The following CDH18 variants were observed in gnomAD, a reference collection of about 807,000 sequenced individuals.
The protein encoded by CDH18 is cadherin 18, also known as cadherin-18.
CDH18 carries 31 observed loss-of-function variants against 67.9 expected under a neutral mutation model. That is an observed-to-expected ratio of 0.46 (90% CI 0.34 to 0.62). CDH18 has a LOEUF of 0.62. Ranked by LOEUF, CDH18 falls within the 20% of genes least tolerant of loss-of-function variation. The pLI, the probability that CDH18 is intolerant of heterozygous loss-of-function variation, is 0.01. For synonymous variants in CDH18, 362 were observed against 347.2 expected (o/e 1.04, Z -0.48); for missense variants, 890 against 975.5 (o/e 0.91, Z 1.17).
intron 2 of CDH18, among the ~76,000 whole-genome samples, chr5:20,160,539 T>C (rs1751894032): frequency 6.6e-6 from 1 of 152,230 alleles, no homozygotes; most frequent in African/African-American, 2.4e-5. Flanking sequence ...AACTTATAAA[T>C]AGTATTTTGA....
At chr5:20,054,435 G>A (rs1461371751) in intron 2 of CDH18, among the ~76,000 whole-genome samples, 1 of 152,096 alleles carries the variant, frequency 6.6e-6, no homozygotes, top group Non-Finnish European at 1.5e-5. Flanking sequence ...TCAATAGCAT[G>A]TTTAAGCAGG....
intron 3 of CDH18, among the ~76,000 whole-genome samples, chr5:19,831,412 A>G (rs1781015381): frequency 6.6e-6 from 1 of 152,068 alleles, no homozygotes; most frequent in Admixed American, 6.6e-5. Flanking sequence ...AACATAAGAG[A>G]AAAAGCAAAA....
chr5:19,946,685 T>C (rs1302150759), intron 2 of CDH18, among the ~76,000 whole-genome samples: 1 of 152,098 alleles, frequency 6.6e-6, no homozygotes, highest in Non-Finnish European at 1.5e-5. Context: ...TAACACAAAT[T>C]GTATGCAATC....
At chr5:20,043,255 C>T (rs1038377763) in intron 2 of CDH18, among the ~76,000 whole-genome samples, 16 of 152,246 alleles carry the variant, frequency 1.1e-4, no homozygotes, top group African/African-American at 3.6e-4. Context: ...TTAAAGCCAC[C>T]GCAGACTGCA....
chr5:19,780,433 A>G (rs543962775), intron 3 of CDH18, among the ~76,000 whole-genome samples: 1 of 152,252 alleles, frequency 6.6e-6, no homozygotes, highest in East Asian at 1.9e-4. Context: ...GATTTTATCA[A>G]TACATTGTAT....
intron 2 of CDH18, among the ~76,000 whole-genome samples, chr5:20,054,337 T>C (rs868662687): frequency 6.6e-6 from 1 of 152,196 alleles, no homozygotes; most frequent in Non-Finnish European, 1.5e-5. Flanking sequence ...CAACTCAGAA[T>C]GACATTCATG....
At chr5:20,097,361 G>C (rs929687504) in intron 2 of CDH18, among the ~76,000 whole-genome samples, 1 of 152,142 alleles carries the variant, frequency 6.6e-6, no homozygotes, top group South Asian at 2.1e-4. Flanking sequence ...TGAAGGAAGA[G>C]CAAAGGGACG....
At chr5:19,625,332 T>C (rs979095111) in intron 5 of CDH18, among the ~76,000 whole-genome samples, 5 of 152,024 alleles carry the variant, frequency 3.3e-5, no homozygotes, top group African/African-American at 4.8e-5. Context: ...GTTTTTTTTT[T>C]CCCCACTAGA....
intron 10 of CDH18, among the ~76,000 whole-genome samples, chr5:19,519,291 A>T (rs1746520781): frequency 6.6e-6 from 1 of 152,226 alleles, no homozygotes; most frequent in East Asian, 1.9e-4. Flanking sequence ...GGGACTAAAA[A>T]CAAATAGGTA....
At chr5:20,212,800 G>C (rs1740455716) in intron 2 of CDH18, among the ~76,000 whole-genome samples, 1 of 152,000 alleles carries the variant, frequency 6.6e-6, no homozygotes, top group African/African-American at 2.4e-5. Context: ...TGCTGGTAGA[G>C]GGTCTTGCCT....
chr5:19,483,682 G>C, intron 11 of CDH18, 130 bp from the exon 12 acceptor site: 1 of 903,096 alleles, frequency 1.1e-6, no homozygotes, highest in Non-Finnish European at 1.6e-6. Context: ...AAGGGAACAC[G>C]AAGGGGCAAT....
chr5:19,608,394 A>C (rs1055584474), intron 6 of CDH18, among the ~76,000 whole-genome samples: 1 of 151,688 alleles, frequency 6.6e-6, no homozygotes, highest in Admixed American at 6.6e-5. Context: ...TCAAGGGAGA[A>C]GCTTTGTTTT....
At chr5:20,519,723 A>AT (rs34121579) in intron 1 of CDH18, among the ~76,000 whole-genome samples, 26,618 of 149,724 alleles carry the variant, frequency 0.18, 2,817 homozygotes, top group East Asian at 0.39. Flanking sequence ...TCCAAGTGTA[A>AT]TTTTTTTTTT....
At chr5:20,390,141 A>T (rs187403812) in intron 1 of CDH18, among the ~76,000 whole-genome samples, 1 of 152,314 alleles carries the variant, frequency 6.6e-6, no homozygotes, top group South Asian at 2.1e-4. Context: ...GACAAATGGG[A>T]TCTAATTAAA....
intron 2 of CDH18, among the ~76,000 whole-genome samples, chr5:20,110,355 T>G (rs546920867): frequency 2.0e-5 from 3 of 152,338 alleles, no homozygotes; most frequent in East Asian, 1.9e-4. Flanking sequence ...ATATAAAGTT[T>G]GTTGATTATT....
chr5:20,043,644 C>T (rs974065519), intron 2 of CDH18, among the ~76,000 whole-genome samples: 1 of 152,124 alleles, frequency 6.6e-6, no homozygotes, highest in Admixed American at 6.5e-5. Context: ...AATAGGTAGT[C>T]ATGTTGCCAG....
intron 2 of CDH18, among the ~76,000 whole-genome samples, chr5:20,059,297 T>C (rs941525617): frequency 6.6e-6 from 1 of 152,166 alleles, no homozygotes; most frequent in South Asian, 2.1e-4. Flanking sequence ...GATTCATGGA[T>C]TTTTTGAAGG....
At chr5:20,544,006 T>C (rs1413871530) in intron 1 of CDH18, among the ~76,000 whole-genome samples, 1 of 152,192 alleles carries the variant, frequency 6.6e-6, no homozygotes, top group Non-Finnish European at 1.5e-5. Flanking sequence ...CAATTGTCTA[T>C]GTAATGAGTT....
At chr5:19,697,575 T>C (rs752545303) in intron 5 of CDH18, among the ~76,000 whole-genome samples, 6 of 152,018 alleles carry the variant, frequency 3.9e-5, no homozygotes, top group Non-Finnish European at 8.8e-5. Flanking sequence ...CACAATAATA[T>C]AAAAAATCAT....
Sources: gnomAD v4.1 joint callset for allele counts (sites outside exome capture counted in the v4.1 genomes callset) on GRCh38, gnomAD v4.1.1 for gene constraint, MANE v1.5 for transcripts, NCBI Gene and HGNC (gene_info 2026-07-23, HGNC 2026-07-21) for gene names.